Variants in EPHA5 observed in about 807,000 individuals in gnomAD.
EPHA5 encodes EPH receptor A5.
A neutral mutation model predicts 105.0 loss-of-function variants in EPHA5; 60 were observed. The ratio of observed to expected loss-of-function variants is 0.57; its 90% CI spans 0.46 to 0.71. The LOEUF (loss-of-function observed/expected upper bound fraction) is 0.71, where lower values mean the gene tolerates loss of function less well. Ranked by LOEUF, EPHA5 falls within the 30% of genes least tolerant of loss-of-function variation. The pLI is 0.00. For missense variants in EPHA5, 1,218 were observed against 1,274.7 expected, an observed-to-expected ratio of 0.96 and a Z score of 0.68; for synonymous variants, 513 against 449.1, an observed-to-expected ratio of 1.14 and a Z score of -1.80.
At chr4:65,620,707 T>C (rs28535567) in intron 2 of EPHA5, among the ~76,000 whole-genome samples, 46,733 of 152,030 alleles carry the variant, frequency 0.31, 7,317 homozygotes, top group Non-Finnish European at 0.33. Context: ...TAAAGGCAGA[T>C]CATGGTCTTG....
chr4:65,642,863 A>G (rs1354454566), intron 2 of EPHA5, among the ~76,000 whole-genome samples: 1 of 151,854 alleles, frequency 6.6e-6, no homozygotes, highest in African/African-American at 2.4e-5. Context: ...ATCTTTTTTT[A>G]TCTCAATGTC....
rs1488465244 is a variant in EPHA5, at chr4:65,323,483, A to T, written c.*631T>A. ...CTAATAATCTCTAGAAGAGCAACTA[A>T]AAGTAAACTTTATAACACAAAAAAT... On this transcript the variant is annotated 3_prime_UTR_variant, in exon 17 of 17. Coordinates refer to ENST00000613740, the MANE Select transcript of EPHA5 (RefSeq NM_001281766.3). 4.3e-6 allele frequency: 1 copy of T among 230,160 alleles called. No homozygotes were observed. The highest frequency in any genetic ancestry group is 5.7e-5 in the Admixed American group (1 of 17,582). The allele number at this position is 230,160 out of a possible 1,614,324, so 14.3% of individuals were successfully genotyped here.
intron 5 of EPHA5, among the ~76,000 whole-genome samples, chr4:65,427,316 C>A (rs1489602736): frequency 3.3e-5 from 5 of 151,156 alleles, no homozygotes; most frequent in Non-Finnish European, 7.4e-5. Flanking sequence ...TCCCGAGTAG[C>A]TGGGGTTAAG....
At chr4:65,397,122 C>A (rs1164637204) in intron 8 of EPHA5, among the ~76,000 whole-genome samples, 1 of 152,194 alleles carries the variant, frequency 6.6e-6, no homozygotes, top group Non-Finnish European at 1.5e-5. Flanking sequence ...CACTGAAGAC[C>A]AGACTGTCCT....
intron 5 of EPHA5, among the ~76,000 whole-genome samples, chr4:65,486,701 A>T (rs1002267376): frequency 6.6e-6 from 1 of 152,250 alleles, no homozygotes; most frequent in African/African-American, 2.4e-5. Context: ...ACTACAAAAC[A>T]CTTTCTGCAA....
rs1414357449 is a variant in EPHA5 at position 65,386,838 on chromosome 4, T to G, written c.1793+17536A>C. On this transcript the variant is annotated intron_variant, in intron 8 of 16. Coordinates refer to ENST00000613740, the MANE Select transcript of EPHA5 (RefSeq NM_001281766.3). ...AACTTTCTTTCTGAATTTTGTCTTTTATGTTCTTTGTAATTTAAAATAAGA... is the reference window on the plus strand; with the variant it reads ...AACTTTCTTTCTGAATTTTGTCTTTGATGTTCTTTGTAATTTAAAATAAGA... 2.0e-5 allele frequency among the ~76,000 whole-genome samples: 3 copies of G among 152,124 alleles called. No homozygotes were observed. In the East Asian group the frequency reaches 5.8e-4, roughly 30 times the overall value.
intron 6 of EPHA5, among the ~76,000 whole-genome samples, chr4:65,418,170 A>G (rs1030823302): frequency 1.3e-5 from 2 of 152,188 alleles, no homozygotes; most frequent in Non-Finnish European, 2.9e-5. Context: ...AATCGCAATG[A>G]AAATTGAGAA....
intron 5 of EPHA5, among the ~76,000 whole-genome samples, chr4:65,462,457 G>A (rs1038665258): frequency 1.3e-5 from 2 of 152,130 alleles, no homozygotes; most frequent in East Asian, 3.9e-4. Context: ...TGATGGGGGG[G>A]TCTTCTCCTG....
chr4:65,436,624 G>A (rs993500010), intron 5 of EPHA5, among the ~76,000 whole-genome samples: 1 of 151,932 alleles, frequency 6.6e-6, no homozygotes, highest in African/African-American at 2.4e-5. Context: ...TTCTGAATAT[G>A]TACAAACTTC....
intron 3 of EPHA5, among the ~76,000 whole-genome samples, chr4:65,576,845 T>C (rs1300931556): frequency 1.3e-5 from 2 of 152,182 alleles, no homozygotes; most frequent in South Asian, 2.1e-4. Context: ...AGGTGGTCAT[T>C]TGAAGTAGCA....
intron 7 of EPHA5, among the ~76,000 whole-genome samples, chr4:65,407,670 T>G (rs1722492526): frequency 6.6e-6 from 1 of 150,994 alleles, no homozygotes; most frequent in Admixed American, 6.6e-5. Flanking sequence ...ATATTTTTGT[T>G]TATTATTTTA....
intron 5 of EPHA5, among the ~76,000 whole-genome samples, chr4:65,430,771 A>C (rs1724895653): frequency 6.6e-6 from 1 of 152,146 alleles, no homozygotes; most frequent in Non-Finnish European, 1.5e-5. Context: ...AGAGTGTTAC[A>C]TTTAATATGT....
intron 2 of EPHA5, among the ~76,000 whole-genome samples, chr4:65,622,790 A>T (rs1329600407): frequency 6.6e-6 from 1 of 152,092 alleles, no homozygotes; most frequent in Non-Finnish European, 1.5e-5. Context: ...ACCTGTGGAA[A>T]AAAAAAGAAA....
intron 2 of EPHA5, among the ~76,000 whole-genome samples, chr4:65,643,033 T>A (rs1747803693): frequency 6.6e-6 from 1 of 152,064 alleles, no homozygotes; most frequent in African/African-American, 2.4e-5. Context: ...GCAAATAAAA[T>A]ACTTTTATCT....
intron 14 of EPHA5, among the ~76,000 whole-genome samples, chr4:65,339,494 C>T (rs748046239): frequency 6.6e-6 from 1 of 152,098 alleles, no homozygotes; most frequent in Non-Finnish European, 1.5e-5. Context: ...ACCAATTTAA[C>T]TATAACTTTG....
At chr4:65,467,511 C>T (rs1256542366) in intron 5 of EPHA5, among the ~76,000 whole-genome samples, 1 of 152,166 alleles carries the variant, frequency 6.6e-6, no homozygotes, top group African/African-American at 2.4e-5. Context: ...CTTGACTTTA[C>T]AAGAGACAAG....
chr4:65,352,560 CTG>C lies in EPHA5; in HGVS notation c.2235+480_2235+481del, dbSNP rs1236356386. On this transcript the variant is annotated intron_variant, in intron 12 of 16. Transcript: ENST00000613740. ...ATTGTCAATTACCACGTGAACTCTG[CTG>C]GTGCAAGTCGTGACGGATCTTCAGG... Among the ~76,000 whole-genome samples, 6 of 152,106 alleles carry C rather than the reference CTG, an allele frequency of 3.9e-5. No homozygotes were observed. The East Asian group carries it at 1.2e-3, about 30-fold the overall frequency.
intron 3 of EPHA5, among the ~76,000 whole-genome samples, chr4:65,577,641 T>C (rs962248968): frequency 2.0e-5 from 3 of 152,172 alleles, no homozygotes; most frequent in Non-Finnish European, 4.4e-5. Flanking sequence ...TATATACCAT[T>C]ATTCATATTT....
At chr4:65,469,311 C>G (rs1019790441) in intron 5 of EPHA5, among the ~76,000 whole-genome samples, 1 of 152,042 alleles carries the variant, frequency 6.6e-6, no homozygotes, top group East Asian at 1.9e-4. Flanking sequence ...TTATGCTACT[C>G]GCAGCTTCTA....
Sources: gnomAD v4.1 joint callset for allele counts (sites outside exome capture counted in the v4.1 genomes callset) on GRCh38, gnomAD v4.1.1 for gene constraint, MANE v1.5 for transcripts, NCBI Gene and HGNC (gene_info 2026-07-23, HGNC 2026-07-21) for gene names.